Variants in ASAH2 observed in about 807,000 individuals in gnomAD.
ASAH2 encodes the protein neutral ceramidase.
A neutral mutation model predicts 82.9 loss-of-function variants in ASAH2; 58 were observed. That is an observed-to-expected ratio of 0.70 (90% CI 0.57 to 0.87). The LOEUF is 0.87. Ranked by LOEUF, ASAH2 falls within the 40% of genes least tolerant of loss-of-function variation. The pLI is 0.00. For synonymous variants in ASAH2, 276 were observed against 289.7 expected (o/e 0.95, Z 0.48); for missense variants, 779 against 834.0 (o/e 0.93, Z 0.81).
chr10:50,250,936 A>G (rs565230439), intron 1 of ASAH2, among the ~76,000 whole-genome samples: 1 of 152,230 alleles, frequency 6.6e-6, no homozygotes, highest in Non-Finnish European at 1.5e-5. Flanking sequence ...ACACAGTAAC[A>G]TTCTTTTTGA....
chr10:50,212,094 A>G (rs921365961), intron 10 of ASAH2, among the ~76,000 whole-genome samples: 5 of 151,970 alleles, frequency 3.3e-5, no homozygotes, highest in African/African-American at 1.2e-4. Context: ...GTTGCTACCA[A>G]TTTTGTGTCA....
chr10:50,202,735 A>G, intron 16 of ASAH2, 94 bp downstream of exon 16: 7 of 888,348 alleles, frequency 7.9e-6, no homozygotes, highest in South Asian at 5.3e-5. Flanking sequence ...TCTCAGAAAC[A>G]TGACTGGGAA....
chr10:50,194,154 C>T (rs1430772884), intron 18 of ASAH2, among the ~76,000 whole-genome samples: 2 of 151,162 alleles, frequency 1.3e-5, no homozygotes, highest in Non-Finnish European at 3.0e-5. Context: ...AAACATTTCC[C>T]AACTCATTCT....
rs1034466953 is a variant in ASAH2, at chr10:50,224,066, C to T, written c.894-5436G>A. 1.8e-3 allele frequency among the ~76,000 whole-genome samples: 276 copies of T among 152,290 alleles called. 3 individuals are homozygous for T. Among genetic ancestry groups the T allele is most frequent in the East Asian group, 6.6e-3 (34 of 5,188 alleles). ...GATAATGTGTGGCTTCCCTAGGAAACTAATACAGAGGCTAATATTGTGTTA... is the reference window on the plus strand; with the variant it reads ...GATAATGTGTGGCTTCCCTAGGAAATTAATACAGAGGCTAATATTGTGTTA... On this transcript the variant is annotated intron_variant, in intron 7 of 20. Coordinates refer to ENST00000682911, the MANE Select transcript of ASAH2 (RefSeq NM_019893.4).
chr10:50,216,199 T>C (rs1845596427), intron 8 of ASAH2, among the ~76,000 whole-genome samples: 1 of 151,800 alleles, frequency 6.6e-6, no homozygotes, highest in Non-Finnish European at 1.5e-5. Flanking sequence ...GAGAAATACC[T>C]AAGGTAGATG....
intron 2 of ASAH2, among the ~76,000 whole-genome samples, chr10:50,246,586 A>G (rs1432204442): frequency 6.6e-6 from 1 of 152,180 alleles, no homozygotes; most frequent in Non-Finnish European, 1.5e-5. Context: ...GAGATCACCT[A>G]ACATAATCTC....
intron 14 of ASAH2, 90 bp from the exon 15 acceptor site, chr10:50,203,769 C>T (rs1471585287): frequency 6.6e-6 from 7 of 1,065,560 alleles, no homozygotes; most frequent in African/African-American, 1.6e-5. Flanking sequence ...AAAAAATTAC[C>T]CTGGCTCATC....
chr10:50,236,655 A>G (rs1361198937), intron 4 of ASAH2, among the ~76,000 whole-genome samples: 2 of 152,186 alleles, frequency 1.3e-5, no homozygotes, highest in African/African-American at 4.8e-5. Context: ...ATAAGCAAAC[A>G]CAATGCTAGG....
Position 50,210,820 on chromosome 10 carries a change from T to C in ASAH2, c.1414+3A>G. On this transcript the variant is annotated splice_donor_region_variant and intron_variant, in intron 12 of 20. Coordinates refer to ENST00000682911, the MANE Select transcript of ASAH2 (RefSeq NM_019893.4). ...CCATAGATTTTACTGGACTTCACCT[T>C]ACCCTGTGTAAAATTGAGGCCTCCA... 7 of 1,607,864 alleles carry C rather than the reference T, an allele frequency of 4.4e-6. No homozygotes were observed. Among genetic ancestry groups the C allele is most frequent in the Non-Finnish European group, 6.0e-6 (7 of 1,174,340 alleles).
intron 2 of ASAH2, among the ~76,000 whole-genome samples, chr10:50,246,985 T>G (rs2133235993): frequency 6.6e-6 from 1 of 152,304 alleles, no homozygotes; most frequent in Middle Eastern, 3.4e-3. Context: ...AGGATTTTTG[T>G]GAGAATTAGA....
intron 20 of ASAH2, 114 bp from the exon 21 acceptor site, chr10:50,187,618 G>A: frequency 6.3e-5 from 2 of 31,880 alleles, no homozygotes; most frequent in South Asian, 2.1e-4. Flanking sequence ...CCTACAATGA[G>A]CAAGGCACTA....
intron 1 of ASAH2, among the ~76,000 whole-genome samples, chr10:50,250,897 A>T (rs1846597313): frequency 6.6e-6 from 1 of 152,206 alleles, no homozygotes; most frequent in Non-Finnish European, 1.5e-5. Flanking sequence ...GTGTTTCATC[A>T]TTCTGTTTAG....
intron 4 of ASAH2, among the ~76,000 whole-genome samples, chr10:50,240,209 G>A (rs959003604): frequency 4.6e-5 from 7 of 152,110 alleles, no homozygotes; most frequent in African/African-American, 4.8e-5. Context: ...CCAGTCTCAC[G>A]TGATAAAGGG....
intron 18 of ASAH2, among the ~76,000 whole-genome samples, chr10:50,195,909 G>C (rs1376497817): frequency 1.3e-5 from 2 of 151,798 alleles, no homozygotes; most frequent in African/African-American, 4.8e-5. Context: ...AGGAGGTTAG[G>C]GGGTTGGGGA....
intron 4 of ASAH2, among the ~76,000 whole-genome samples, chr10:50,241,772 A>G (rs1241968228): frequency 2.0e-5 from 3 of 152,210 alleles, no homozygotes; most frequent in East Asian, 1.9e-4. Flanking sequence ...CATCATTCTC[A>G]GCAAACTAAC....
At chr10:50,210,964 T>C in intron 11 of ASAH2, 60 bp from the exon 12 acceptor site, 2 of 1,601,216 alleles carry the variant, frequency 1.2e-6, no homozygotes, top group Non-Finnish European at 8.6e-7. Context: ...AAACTGAAAG[T>C]AAATAATGAG....
intron 15 of ASAH2, 66 bp downstream of exon 15, chr10:50,203,574 G>T (rs1447891233): frequency 5.9e-6 from 8 of 1,347,716 alleles, no homozygotes; most frequent in Non-Finnish European, 6.4e-6. Flanking sequence ...GGATCATAGG[G>T]ATAGGATATA....
intron 1 of ASAH2, among the ~76,000 whole-genome samples, 115 bp downstream of exon 1, chr10:50,251,280 T>A (rs1846606980): frequency 6.6e-6 from 1 of 152,144 alleles, no homozygotes; most frequent in Non-Finnish European, 1.5e-5. Context: ...CAAAAGAGGG[T>A]TCCAAAGCTA....
intron 16 of ASAH2, among the ~76,000 whole-genome samples, chr10:50,201,940 C>T (rs1416915652): frequency 6.6e-6 from 1 of 151,982 alleles, no homozygotes; most frequent in Non-Finnish European, 1.5e-5. Context: ...ATCTGTGGTG[C>T]CTATTGGTGA....
Sources: allele counts gnomAD v4.1 joint callset (sites outside exome capture counted in the v4.1 genomes callset), GRCh38; gene constraint gnomAD v4.1.1; transcripts MANE v1.5; gene names NCBI Gene and HGNC (gene_info 2026-07-23, HGNC 2026-07-21).